The following SYNJ1 variants were observed in gnomAD, a reference collection of about 807,000 sequenced individuals.
SYNJ1 encodes polyphosphatidylinositol phosphatase SYNJ1.
SYNJ1 carries 78 observed loss-of-function variants against 168.2 expected under a neutral mutation model. The observed-to-expected ratio is 0.46, with a 90% CI of 0.39 to 0.56. SYNJ1 has a LOEUF of 0.56. Ranked by LOEUF, SYNJ1 falls within the 20% of genes least tolerant of loss-of-function variation. The probability of loss-of-function intolerance (pLI) is 0.00; values close to 1 mark genes in which losing one functional copy is unlikely to be tolerated. For missense variants in SYNJ1, 1,303 were observed against 1,597.6 expected (o/e 0.82, Z 3.14); for synonymous variants, 539 against 548.6 (o/e 0.98, Z 0.24).
rs1245480307 is a variant in SYNJ1, at chr21:32,631,162, T to A, written c.*643A>T. 6.2e-7 allele frequency: 1 copy of A among 1,614,088 alleles called. No homozygotes were observed. Among genetic ancestry groups the A allele is most frequent in the Non-Finnish European group, 8.5e-7 (1 of 1,180,050 alleles). On this transcript the variant is annotated 3_prime_UTR_variant, in exon 33 of 33. Coordinates refer to ENST00000674351, the MANE Select transcript of SYNJ1 (RefSeq NM_203446.3). ...TTTGTACCTTTATTCCAGTCATCAT[T>A]CAATGTCAGGTTGGAGCCAGAAAAT... is the stretch of plus-strand genomic sequence containing the variant.
At chr21:32,726,532 G>A (rs958374138) in intron 2 of SYNJ1, among the ~76,000 whole-genome samples, 6 of 152,154 alleles carry the variant, frequency 3.9e-5, no homozygotes, top group Non-Finnish European at 8.8e-5. Context: ...AGCAGCAGCA[G>A]AACCCAAGAA....
At chr21:32,699,798 A>C in intron 4 of SYNJ1, 40 bp downstream of exon 4, 1 of 1,586,592 alleles carries the variant, frequency 6.3e-7, no homozygotes, top group Non-Finnish European at 8.6e-7. Context: ...TGCTGAACAT[A>C]TTATGTCCCA....
At position 32,631,215 on chromosome 21, in the gene SYNJ1, G is replaced by C; in HGVS notation, c.*590C>G. On this transcript the variant is annotated 3_prime_UTR_variant, in exon 33 of 33. Coordinates refer to ENST00000674351, the MANE Select transcript of SYNJ1 (RefSeq NM_203446.3). Reference sequence around the variant, plus strand: ...ACTTGGCTGATTACCCAGTAAGTCTGAACAAGCTGACTTTGACTTCCCTTT... The same window carrying C: ...ACTTGGCTGATTACCCAGTAAGTCTCAACAAGCTGACTTTGACTTCCCTTT... The C allele has an allele frequency of 6.2e-7, 1 of 1,614,220 alleles. No homozygotes were observed. The highest frequency in any genetic ancestry group is 8.5e-7 in the Non-Finnish European group (1 of 1,180,046).
In SYNJ1 at chr21:32,685,925, T is replaced by TA; in HGVS notation, c.949-9dup. The stretch of plus-strand genomic sequence containing the variant: ...AGAAGCTTTCAAATGACTCTGAAAG[T>TA]AAAAAGGCAAATATTCATCTAAATG... On this transcript the variant is annotated splice_polypyrimidine_tract_variant and intron_variant, in intron 8 of 32. Transcript: ENST00000674351. The TA allele has an allele frequency of 1.9e-6, 3 of 1,601,332 alleles. No individual in the cohort carries two copies. Among genetic ancestry groups the TA allele is most frequent in the Non-Finnish European group, 2.6e-6 (3 of 1,176,192 alleles).
chr21:32,700,331 CCTGAACTTATT>C (rs1444940461), intron 3 of SYNJ1, among the ~76,000 whole-genome samples: 1 of 152,122 alleles, frequency 6.6e-6, no homozygotes, highest in Admixed American at 6.6e-5. Flanking sequence ...CGAAATTGTT[CCTGAACTTATT>C]CTGAGGCTAA....
Position 32,646,452 on chromosome 21 carries a change from G to C in SYNJ1, c.3188C>G (p.Ser1063Cys), listed in dbSNP as rs1295007523. 5 of 1,614,074 alleles carry C rather than the reference G, an allele frequency of 3.1e-6. No homozygotes were observed. The highest frequency in any genetic ancestry group is 1.3e-5 in the African/African-American group (1 of 74,916). ...SPTISEGPVP[S>C]LPIRPSRAPS... ...TGCTCGGCTTGGTCTGATGGGAAGG[G>C]AAGGTACAGGACCCTCTGATATTGT... The change falls in exon 24 of 33, where the codon TCC (serine) becomes TGC (cysteine). Residue 1063 changes from serine to cysteine, a missense_variant. By Grantham distance (112) the Ser-to-Cys change is moderately radical. Coordinates refer to ENST00000674351, the MANE Select transcript of SYNJ1 (RefSeq NM_203446.3).
At chr21:32,672,223 C>A (rs1184590767) in intron 14 of SYNJ1, among the ~76,000 whole-genome samples, 1 of 151,726 alleles carries the variant, frequency 6.6e-6, no homozygotes, top group African/African-American at 2.4e-5. Context: ...ATACACATCA[C>A]CCTCACATAT....
chr21:32,684,118 A>C lies in SYNJ1; in HGVS notation c.1120T>G (p.Cys374Gly). Residue 374 changes from cysteine (C) to glycine (G), a missense_variant and splice_region_variant, in exon 10 of 33, where the codon TGC (cysteine) becomes GGC (glycine). Around this residue, in one of 2 missense-constraint regions of SYNJ1, gnomAD observed 920 missense variants for 1,208.8 expected, o/e 0.76. Transcript: ENST00000674351. ...FYFNGSEVQR[C>G]QSGTVRTNCL... is the part of the protein sequence containing the mutation. ...TTTGTTCGAACTGTACCACTCTGGC[A>C]TCTGTAACCAATAAAGTTAAATATC... 6.2e-7 allele frequency: 1 copy of C among 1,613,166 alleles called. No individual in the cohort carries two copies. Among genetic ancestry groups the C allele is most frequent in the Non-Finnish European group, 8.5e-7 (1 of 1,179,334 alleles).
intron 25 of SYNJ1, 38 bp downstream of exon 25, chr21:32,645,608 T>C (rs1361956934): frequency 3.3e-6 from 5 of 1,495,800 alleles, no homozygotes; most frequent in Non-Finnish European, 3.5e-6. Flanking sequence ...GAGTGAAGAA[T>C]TTTACATCTA....
In SYNJ1 at chr21:32,650,217, C is replaced by G. The variant is rs772671612; in HGVS notation, c.3004G>C (p.Asp1002His). Residue 1002 changes from aspartate to histidine, a missense_variant, in exon 23 of 33, where the codon GAT (aspartate) becomes CAT (histidine). Physicochemically the swap from Asp to His is moderately conservative, Grantham distance 81. Around this residue, in one of 2 missense-constraint regions of SYNJ1, gnomAD observed 920 missense variants for 1,208.8 expected, o/e 0.76. Transcript: ENST00000674351. ...SSTSSTLLGE[D>H]AEVAADFDME... ...TCAAAATCTGCTGCAACCTCTGCATCTTCACCAAGCAGGGTAGAGCTTGTT... is the reference window on the plus strand; with the variant it reads ...TCAAAATCTGCTGCAACCTCTGCATGTTCACCAAGCAGGGTAGAGCTTGTT... 1.2e-6 allele frequency: 2 copies of G among 1,609,712 alleles called. No individual in the cohort carries two copies. The highest frequency in any genetic ancestry group is 2.2e-5 in the East Asian group (1 of 44,790).
At position 32,645,601 on chromosome 21, in the gene SYNJ1, T is replaced by G. The variant is rs1234540094; in HGVS notation, c.3391+45A>C. On this transcript the variant is annotated intron_variant, in intron 25 of 32. Transcript: ENST00000674351. ...ACATGCAAAACATTTTAAAATAGAG[T>G]GAAGAATTTTACATCTAGCAGAAAT... 4 of 1,464,948 alleles carry G rather than the reference T, an allele frequency of 2.7e-6. No individual in the cohort carries two copies. The South Asian group carries it at 5.8e-5, about 21-fold the overall frequency. The allele number at this position is 1,464,948 out of a possible 1,614,324, so 90.7% of individuals were successfully genotyped here.
chr21:32,658,801 C>T (rs760755164), intron 18 of SYNJ1, among the ~76,000 whole-genome samples: 1 of 152,210 alleles, frequency 6.6e-6, no homozygotes, highest in Non-Finnish European at 1.5e-5. Context: ...GAGCAGAGTT[C>T]GCCCCGCCAG....
At chr21:32,700,128 T>C (rs2042347746) in intron 3 of SYNJ1, 23 bp from the exon 4 acceptor site, 1 of 1,567,332 alleles carries the variant, frequency 6.4e-7, no homozygotes, top group Admixed American at 1.9e-5. Flanking sequence ...AAGATTTTAC[T>C]GGATGAAAAA....
intron 2 of SYNJ1, among the ~76,000 whole-genome samples, chr21:32,720,301 G>T (rs573291934): frequency 7.2e-5 from 11 of 152,276 alleles, no homozygotes; most frequent in African/African-American, 2.6e-4. Flanking sequence ...ATAAAACAAT[G>T]AAGTTTAAAA....
chr21:32,723,403 T>C (rs2043321743), intron 2 of SYNJ1, among the ~76,000 whole-genome samples: 2 of 152,196 alleles, frequency 1.3e-5, no homozygotes, highest in South Asian at 4.1e-4. Context: ...AAGTAGAGAC[T>C]TGAAATTAGG....
intron 2 of SYNJ1, among the ~76,000 whole-genome samples, chr21:32,724,019 G>A (rs1301793515): frequency 6.6e-6 from 1 of 152,022 alleles, no homozygotes; most frequent in Non-Finnish European, 1.5e-5. Flanking sequence ...CTGTCTTGGA[G>A]GAAGAAGGTG....
At chr21:32,710,840 T>G (rs2042804656) in intron 2 of SYNJ1, among the ~76,000 whole-genome samples, 1 of 152,190 alleles carries the variant, frequency 6.6e-6, no homozygotes, top group African/African-American at 2.4e-5. Flanking sequence ...AATTCCAGAA[T>G]GGAGGCCTTA....
Position 32,687,021 on chromosome 21 carries a change from A to T in SYNJ1, c.905T>A (p.Leu302His), listed in dbSNP as rs745787156. The T allele has an allele frequency of 1.9e-6, 3 of 1,549,980 alleles. No homozygotes were observed. The South Asian group carries it at 3.7e-5, about 19-fold the overall frequency. ...CATATGTTCACCTTCCTTAGATCCA[A>T]GCAAATTTACTATTATTTGTTTACC... ...LYGKQIIVNL[L>H]GSKEGEHMLS... is the part of the protein sequence containing the mutation. Residue 302 changes from leucine (L) to histidine (H), a missense_variant, in exon 8 of 33, where the codon CTT (leucine) becomes CAT (histidine). Around this residue, in one of 2 missense-constraint regions of SYNJ1, gnomAD observed 920 missense variants for 1,208.8 expected, o/e 0.76. Coordinates refer to ENST00000674351, the MANE Select transcript of SYNJ1 (RefSeq NM_203446.3).
intron 2 of SYNJ1, among the ~76,000 whole-genome samples, chr21:32,718,193 C>G (rs1269111823): frequency 6.6e-6 from 1 of 152,126 alleles, no homozygotes; most frequent in African/African-American, 2.4e-5. Context: ...AATAAAAAGC[C>G]ACAGAGTTTT....
Sources: allele counts gnomAD v4.1 joint callset (sites outside exome capture counted in the v4.1 genomes callset), GRCh38; gene constraint gnomAD v4.1.1; regional missense constraint gnomAD v4.1.1; transcripts MANE v1.5; gene names NCBI Gene and HGNC (gene_info 2026-07-23, HGNC 2026-07-21).